The following BRPF3 variants were observed in gnomAD, a reference collection of about 807,000 sequenced individuals.
The protein encoded by BRPF3 is bromodomain and PHD finger containing 3, also known as bromodomain and PHD finger-containing protein 3.
Under a neutral mutation model 102.0 loss-of-function variants are expected in BRPF3, and 18 were observed. The observed-to-expected ratio is 0.18, with a 90% CI of 0.12 to 0.26. The LOEUF is 0.26. Ranked by LOEUF, BRPF3 falls within the 10% of genes least tolerant of loss-of-function variation. The pLI, the probability that BRPF3 is intolerant of heterozygous loss-of-function variation, is 1.00. For missense variants in BRPF3, 1,147 were observed against 1,567.8 expected, an observed-to-expected ratio of 0.73 and a Z score of 4.53; for synonymous variants, 570 against 614.2, an observed-to-expected ratio of 0.93 and a Z score of 1.06.
rs146655509 is a variant in BRPF3, at chr6:36,201,369, T to C, written c.1047T>C (p.His349=). 3.1e-6 allele frequency: 5 copies of C among 1,614,060 alleles called. No homozygotes were observed. The African/African-American group carries it at 5.3e-5, about 17-fold the overall frequency. Residue 349 remains histidine (H), a synonymous_variant, in exon 2 of 13, where the codon CAT becomes CAC. Transcript: ENST00000357641. The surrounding 1 kb of genome is among the most constrained non-coding windows in gnomAD (Gnocchi z 5.1). ...CHKVNCYTAF[H]VTCAQRAGLF... ...AGGTGAACTGCTACACAGCATTCCA[T>C]GTGACATGTGCACAGCGGGCTGGGC...
chr6:36,219,154 A>G (rs1768438842), intron 9 of BRPF3, among the ~76,000 whole-genome samples: 1 of 152,166 alleles, frequency 6.6e-6, no homozygotes, highest in Non-Finnish European at 1.5e-5. Flanking sequence ...TTAGGCATTC[A>G]GTCTACCTGG....
chr6:36,198,318 T>A (rs924192230), intron 1 of BRPF3, among the ~76,000 whole-genome samples: 9 of 152,206 alleles, frequency 5.9e-5, no homozygotes, highest in Non-Finnish European at 1.3e-4. Context: ...CTAGATTGTG[T>A]TACCCTCATT....
chr6:36,226,569 G>T (rs1288722958), intron 11 of BRPF3, among the ~76,000 whole-genome samples: 1 of 152,148 alleles, frequency 6.6e-6, no homozygotes, highest in East Asian at 1.9e-4. Flanking sequence ...CATCCTAGAT[G>T]ATCTGTAGCC....
rs1285995051 is a variant in BRPF3, at chr6:36,200,737, C to T, written c.415C>T (p.Arg139Cys). ...EAPPLPAAYY[R>C]YIEKPPEDLD... ...ACCCCCGCTGCCTGCTGCCTACTACCGCTACATTGAGAAGCCACCTGAAGA... is the reference window on the plus strand; with the variant it reads ...ACCCCCGCTGCCTGCTGCCTACTACTGCTACATTGAGAAGCCACCTGAAGA... The change falls in exon 2 of 13, where the codon CGC becomes TGC. Residue 139 changes from arginine (R) to cysteine (C), a missense_variant. By Grantham distance (180) the Arg-to-Cys change is radical. This residue lies in a region of BRPF3 where 221 missense variants were observed against 337.1 expected (regional missense o/e 0.66). Coordinates refer to ENST00000357641, the MANE Select transcript of BRPF3 (RefSeq NM_015695.3). The surrounding 1 kb of genome is among the most constrained non-coding windows in gnomAD (Gnocchi z 5.3). 6.2e-7 allele frequency: 1 copy of T among 1,614,030 alleles called. No individual in the cohort carries two copies. The highest frequency in any genetic ancestry group is 8.5e-7 in the Non-Finnish European group (1 of 1,180,042).
chr6:36,230,698 G>T lies in BRPF3; in HGVS notation c.*89G>T. 6.9e-7 allele frequency: 1 copy of T among 1,446,218 alleles called. No individual in the cohort carries two copies. The highest frequency in any genetic ancestry group is 1.4e-5 in the African/African-American group (1 of 70,500). The allele number at this position is 1,446,218 out of a possible 1,614,324, so 89.6% of individuals were successfully genotyped here. A position where few individuals can be genotyped will look rare whatever the true frequency, so the allele number is the denominator to read the frequency against. On this transcript the variant is annotated 3_prime_UTR_variant, in exon 13 of 13. Transcript: ENST00000357641. This position sits in a 1 kb window ranked among gnomAD's most constrained non-coding sequence, Gnocchi z 5.4. ...TCTGCCCCTGCCAGATGTATGGCCG[G>T]CAGCTTCCCCCTCTCATGGTAGGCC...
At chr6:36,220,203 G>A (rs1246266355) in intron 9 of BRPF3, among the ~76,000 whole-genome samples, 1 of 152,122 alleles carries the variant, frequency 6.6e-6, no homozygotes, top group Non-Finnish European at 1.5e-5. Context: ...ACCTATTTTT[G>A]GTGTTGCATC....
rs375697444 is a variant in BRPF3 at position 36,228,856 on chromosome 6, A to T, written c.3280-46A>T. On this transcript the variant is annotated intron_variant, in intron 11 of 12. Coordinates refer to ENST00000357641, the MANE Select transcript of BRPF3 (RefSeq NM_015695.3). ...TGGTCCTGCAGCAGGGGCACTGCTC[A>T]CCCTGGCCTCCCTCACTGAGTGCCC... 2.5e-6 allele frequency: 4 copies of T among 1,608,248 alleles called. No homozygotes were observed. In the African/African-American group the frequency reaches 5.3e-5, roughly 21 times the overall value.
chr6:36,222,334 G>A (rs949148573), intron 10 of BRPF3, 69 bp downstream of exon 10: 13 of 1,420,358 alleles, frequency 9.2e-6, no homozygotes, highest in Non-Finnish European at 1.2e-5. Flanking sequence ...TCAGGCTGCT[G>A]CACTGCTGGG....
At chr6:36,222,390 G>A in intron 10 of BRPF3, 125 bp downstream of exon 10, 1 of 792,972 alleles carries the variant, frequency 1.3e-6, no homozygotes, top group South Asian at 1.7e-5. Context: ...AAACTCTTGG[G>A]CCCTTGGGCA....
chr6:36,216,748 T>C (rs1768342169), intron 8 of BRPF3, among the ~76,000 whole-genome samples: 1 of 152,130 alleles, frequency 6.6e-6, no homozygotes, highest in South Asian at 2.1e-4. Context: ...TGGCTAGCAA[T>C]TGGATAAAGG....
chr6:36,224,358 T>C (rs534815215), intron 10 of BRPF3, among the ~76,000 whole-genome samples: 1 of 152,228 alleles, frequency 6.6e-6, no homozygotes, highest in African/African-American at 2.4e-5. Flanking sequence ...GTGGTTCTTC[T>C]GTGTGTTCAG....
rs202166840 is a variant in BRPF3, at chr6:36,200,359, G to A, written c.37G>A (p.Glu13Lys). 2.7e-5 allele frequency: 43 copies of A among 1,614,042 alleles called. No homozygotes were observed. Among genetic ancestry groups the A allele is most frequent in the Middle Eastern group, 3.3e-4 (2 of 6,082 alleles). ...KPRRKSRQNA[E>K]GRRSPSPYSL... ...TCGTCGGAAGTCCCGGCAGAATGCC[G>A]AGGGCCGGCGTTCCCCGTCCCCCTA... Residue 13 changes from glutamate (E) to lysine (K), a missense_variant, in exon 2 of 13, where the codon GAG (glutamate) becomes AAG (lysine). Physicochemically the swap from Glu to Lys is moderately conservative, Grantham distance 56. Coordinates refer to ENST00000357641, the MANE Select transcript of BRPF3 (RefSeq NM_015695.3). This position sits in a 1 kb window ranked among gnomAD's most constrained non-coding sequence, Gnocchi z 5.3.
Position 36,230,596 on chromosome 6 carries a change from C to T in BRPF3, c.3605C>T (p.Ser1202Phe). 3.7e-6 allele frequency: 6 copies of T among 1,612,372 alleles called. No homozygotes were observed. The highest frequency in any genetic ancestry group is 5.1e-6 in the Non-Finnish European group (6 of 1,179,504). ...CGGGGGCCCCACTCCTTCGTCACTTCCAGCTACCTGTAAGGGCAGGGCTGG... is the reference window on the plus strand; with the variant it reads ...CGGGGGCCCCACTCCTTCGTCACTTTCAGCTACCTGTAAGGGCAGGGCTGG... ...RVRGPHSFVT[S>F]SYL is the part of the protein sequence containing the mutation. Residue 1202 changes from serine to phenylalanine, a missense_variant, in exon 13 of 13, where the codon TCC becomes TTC. By Grantham distance (155) the Ser-to-Phe change is radical (BLOSUM62 -2). Transcript: ENST00000357641. The surrounding 1 kb of genome is among the most constrained non-coding windows in gnomAD (Gnocchi z 5.4).
intron 3 of BRPF3, among the ~76,000 whole-genome samples, chr6:36,206,633 A>G (rs1767915166): frequency 1.3e-5 from 2 of 152,164 alleles, no homozygotes; most frequent in Non-Finnish European, 2.9e-5. Context: ...TGGTTCCAGA[A>G]GAGACCTTCC....
intron 10 of BRPF3, among the ~76,000 whole-genome samples, chr6:36,223,399 T>C (rs540015621): frequency 2.6e-5 from 4 of 152,316 alleles, no homozygotes; most frequent in South Asian, 2.1e-4. Context: ...CAGGAGTGGA[T>C]TGGCACACTT....
rs756585949 is a variant in BRPF3 at position 36,222,241 on chromosome 6, G to A, written c.3157G>A (p.Gly1053Arg). 15 of 1,549,926 alleles carry A rather than the reference G, an allele frequency of 9.7e-6. No homozygotes were observed. Among genetic ancestry groups the A allele is most frequent in the African/African-American group, 1.4e-5 (1 of 72,966 alleles). ...SRVPFLEGVN[G>R]DSDYNGSGRS... is the part of the protein sequence containing the mutation. ...AGTGCCCTTCCTGGAAGGTGTGAAC[G>A]GAGACTCTGACTACAATGGCTCAGG... The change falls in exon 10 of 13, where the codon GGA (glycine) becomes AGA (arginine). Residue 1053 changes from glycine (G) to arginine (R), a missense_variant. Physicochemically the swap from Gly to Arg is moderately radical, Grantham distance 125 (BLOSUM62 -2). Transcript: ENST00000357641.
At chr6:36,198,015 C>G (rs1195142482) in intron 1 of BRPF3, among the ~76,000 whole-genome samples, 1 of 152,158 alleles carries the variant, frequency 6.6e-6, no homozygotes, top group Non-Finnish European at 1.5e-5. Context: ...CTCACCTCTT[C>G]TAGGGCCTCG....
chr6:36,201,842 C>T lies in BRPF3; in HGVS notation c.1448+72C>T. ...GGGTTGGTGTTGGCCCTGTGCCAGG[C>T]CTTCGCTAAACACAGTTGGACACTA... On this transcript the variant is annotated intron_variant, in intron 2 of 12. Transcript: ENST00000357641. The surrounding 1 kb of genome is among the most constrained non-coding windows in gnomAD (Gnocchi z 5.1). 1 of 1,518,678 alleles carries T rather than the reference C, an allele frequency of 6.6e-7. No individual in the cohort carries two copies. Among genetic ancestry groups the T allele is most frequent in the South Asian group, 1.3e-5 (1 of 75,126 alleles). The allele number at this position is 1,518,678 out of a possible 1,614,324, so 94.1% of individuals were successfully genotyped here. A position where few individuals can be genotyped will look rare whatever the true frequency, so the allele number is the denominator to read the frequency against.
intron 3 of BRPF3, among the ~76,000 whole-genome samples, chr6:36,206,202 T>C (rs1453908735): frequency 7.9e-5 from 12 of 152,234 alleles, no homozygotes; most frequent in Non-Finnish European, 1.5e-4. Context: ...TAGTTTCTTA[T>C]TCACATGCTG....
Sources: allele counts gnomAD v4.1 joint callset (sites outside exome capture counted in the v4.1 genomes callset), GRCh38; gene constraint gnomAD v4.1.1; regional missense constraint gnomAD v4.1.1; non-coding constraint Gnocchi (gnomAD v3.1); transcripts MANE v1.5; gene names NCBI Gene and HGNC (gene_info 2026-07-23, HGNC 2026-07-21).